NUB1: variants seen among roughly 807,000 people sequenced by gnomAD.
NUB1 encodes the protein NEDD8 ultimate buster 1.
A neutral mutation model predicts 77.1 loss-of-function variants in NUB1; 41 were observed. The ratio of observed to expected loss-of-function variants is 0.53; its 90% confidence interval spans 0.41 to 0.69. The LOEUF is 0.69. Among genes scored for constraint, NUB1 ranks in the 30% least tolerant of loss-of-function variants. The probability of loss-of-function intolerance (pLI) is 0.00; values close to 1 mark genes in which losing one functional copy is unlikely to be tolerated. For missense variants in NUB1, 643 were observed against 743.8 expected (o/e 0.86, Z 1.58); for synonymous variants, 257 against 281.0 (o/e 0.91, Z 0.85).
chr7:151,376,975 T>C, intron 14 of NUB1, 72 bp from the exon 15 acceptor site: 1 of 1,423,152 alleles, frequency 7.0e-7, no homozygotes, highest in Non-Finnish European at 9.4e-7. Context: ...AGTCTGAGGT[T>C]GACTGTGGTC....
intron 8 of NUB1, among the ~76,000 whole-genome samples, chr7:151,363,556 C>G (rs1797489676): frequency 6.6e-6 from 1 of 151,514 alleles, no homozygotes. Flanking sequence ...ACATGTGGGA[C>G]AGAAACAATA....
intron 1 of NUB1, among the ~76,000 whole-genome samples, chr7:151,342,425 T>C (rs1796257229): frequency 6.6e-6 from 1 of 152,242 alleles, no homozygotes; most frequent in Non-Finnish European, 1.5e-5. Flanking sequence ...TGGCTAAATG[T>C]AGCAATGATC....
intron 11 of NUB1, among the ~76,000 whole-genome samples, chr7:151,372,655 T>C (rs1414994792): frequency 2.0e-5 from 3 of 151,920 alleles, no homozygotes; most frequent in African/African-American, 7.3e-5. Flanking sequence ...TTCGAAGCAT[T>C]GTTGGGGCCA....
At position 151,355,815 on chromosome 7, in the gene NUB1, G is replaced by A. The variant is rs1203757361; in HGVS notation, c.463G>A (p.Val155Met). 1.2e-6 allele frequency: 2 copies of A among 1,609,328 alleles called. No individual in the cohort carries two copies. The highest frequency in any genetic ancestry group is 1.3e-5 in the African/African-American group (1 of 74,964). ...QGVAHNVKAMVLELKQSEEDA... is the reference protein window; with the variant it reads ...QGVAHNVKAMMLELKQSEEDA... ...CGTGGCTCACAATGTGAAAGCGATG[G>A]TGCTTGAACTAAAACAATCTGAAGA... Residue 155 changes from valine to methionine, a missense_variant, in exon 6 of 15, where the codon GTG becomes ATG. By Grantham distance (21) the Val-to-Met change is conservative. Transcript: ENST00000568733.
rs1196614952 is a variant in NUB1, at chr7:151,369,946, CATTCCGT to C, written c.1248+1060_1248+1066del. Among the ~76,000 whole-genome samples, 17 of 152,310 alleles carry C rather than the reference CATTCCGT, an allele frequency of 1.1e-4. No homozygotes were observed. In the South Asian group the frequency reaches 1.5e-3, roughly 13 times the overall value. ...CAGAGAGGGAGTGGATTCGTGGGTT[CATTCCGT>C]GGTGAGCAGTCACAGGGTTTCTCCT... On this transcript the variant is annotated intron_variant, in intron 11 of 14. Transcript: ENST00000568733.
intron 7 of NUB1, among the ~76,000 whole-genome samples, chr7:151,358,214 C>T (rs529314340): frequency 7.2e-5 from 11 of 152,000 alleles, no homozygotes; most frequent in African/African-American, 7.2e-5. Flanking sequence ...CCTCGTGATC[C>T]GCCTGCCTCG....
intron 11 of NUB1, among the ~76,000 whole-genome samples, chr7:151,369,549 A>C (rs754140884): frequency 5.9e-5 from 9 of 152,270 alleles, no homozygotes; most frequent in Non-Finnish European, 1.3e-4. Context: ...ATGAAAGCAC[A>C]GGTTAAAAAA....
rs553527182 is a variant in NUB1, at chr7:151,345,385, C to T, written c.36C>T (p.Thr12=). The change falls in exon 2 of 15, where the codon ACC becomes ACT. Residue 12 remains threonine, a synonymous_variant. Transcript: ENST00000568733. ...AGAAATATCTTCAAGCAAAATTGAC[C>T]CAGTTTTTAAGGGAAGACAGGATTC... ...AQKKYLQAKL[T]QFLREDRIQL... The T allele has an allele frequency of 6.2e-7, 1 of 1,611,726 alleles. No homozygotes were observed. Among genetic ancestry groups the T allele is most frequent in the East Asian group, 2.2e-5 (1 of 44,702 alleles).
rs1584943191 is a variant in NUB1, at chr7:151,352,759, A to G, written c.345-53A>G. 25 of 1,178,404 alleles carry G rather than the reference A, an allele frequency of 2.1e-5. 1 individual carries two copies. In the South Asian group the frequency reaches 2.9e-4, roughly 14 times the overall value. 73.0% of individuals were successfully genotyped at this position (1,178,404 alleles called of 1,614,324 possible). On this transcript the variant is annotated intron_variant, in intron 4 of 14. Coordinates refer to ENST00000568733, the MANE Select transcript of NUB1 (RefSeq NM_001243351.2). ...GGCCTGGCTAATGTCTTTTTAATGG[A>G]TAATAAATCGCAATTTTGTTTTCCT...
chr7:151,352,941 C>G (rs548143886), intron 5 of NUB1, 59 bp downstream of exon 5: 161 of 899,176 alleles, frequency 1.8e-4, no homozygotes, highest in Admixed American at 4.3e-4. Flanking sequence ...ATAATGACTT[C>G]CCTTTTTTTC....
chr7:151,376,698 T>G lies in NUB1; in HGVS notation c.1556T>G (p.Val519Gly), dbSNP rs1399648874. ...EAALRVFRGN[V>G]QLAAQTLAHN... ...GCGCTGAGAGTGTTCAGAGGCAACG[T>G]CCAGCTGGCCGCCCAGACCCTTGCT... Residue 519 changes from valine (V) to glycine (G), a missense_variant, in exon 14 of 15, where the codon GTC (valine) becomes GGC (glycine). Val to Gly is a moderately radical substitution (Grantham distance 109). Coordinates refer to ENST00000568733, the MANE Select transcript of NUB1 (RefSeq NM_001243351.2). 1.2e-6 allele frequency: 2 copies of G among 1,609,968 alleles called. No individual in the cohort carries two copies. The highest frequency in any genetic ancestry group is 2.7e-5 in the African/African-American group (2 of 74,848).
chr7:151,368,100 G>T (rs1797778813), intron 10 of NUB1, 132 bp downstream of exon 10: 1 of 604,966 alleles, frequency 1.7e-6, no homozygotes, highest in Non-Finnish European at 2.9e-6. Context: ...AGGAGATGTT[G>T]AACCAGAAAC....
chr7:151,376,436 C>T (rs1178883738), intron 13 of NUB1, 198 bp from the exon 14 acceptor site: 5 of 574,910 alleles, frequency 8.7e-6, no homozygotes, highest in Non-Finnish European at 1.5e-5. Context: ...CCCTGACGCA[C>T]CCGACTTGAG....
chr7:151,368,931 C>T (rs1554411420), intron 11 of NUB1, 44 bp downstream of exon 11: 1 of 1,535,354 alleles, frequency 6.5e-7, no homozygotes, highest in African/African-American at 1.4e-5. Context: ...TATGAAAGAA[C>T]AAAAAAAGAT....
Position 151,367,981 on chromosome 7 carries a change from A to T in NUB1, c.1095+13A>T, listed in dbSNP as rs1797773590. ...GTATCTTAACAAGGTAAGAAAAGTA[A>T]AGTTGTAACCAATTTTCACCTCCTT... is the stretch of plus-strand genomic sequence containing the variant. On this transcript the variant is annotated intron_variant, in intron 10 of 14. Transcript: ENST00000568733. The T allele has an allele frequency of 6.2e-6, 9 of 1,457,218 alleles. No homozygotes were observed. In the South Asian group the frequency reaches 1.1e-4, roughly 19 times the overall value. The allele number at this position is 1,457,218 out of a possible 1,614,324, so 90.3% of individuals were successfully genotyped here.
intron 7 of NUB1, 61 bp downstream of exon 7, chr7:151,356,283 T>C: frequency 8.5e-7 from 1 of 1,170,958 alleles, no homozygotes; most frequent in Middle Eastern, 2.0e-4. Flanking sequence ...AGAGGTGGTT[T>C]TTTAGTTGCT....
intron 1 of NUB1, among the ~76,000 whole-genome samples, chr7:151,344,695 T>C (rs1796396611): frequency 6.6e-6 from 1 of 151,150 alleles, no homozygotes; most frequent in African/African-American, 2.4e-5. Flanking sequence ...TGGCCTTTTG[T>C]TTTATGTTAA....
intron 1 of NUB1, among the ~76,000 whole-genome samples, chr7:151,344,860 C>T (rs149647109): frequency 0.028 from 4,217 of 152,000 alleles, 74 homozygotes; most frequent in Middle Eastern, 0.065. Flanking sequence ...ATTAGCCGGG[C>T]GTGGTGGCGC....
chr7:151,376,560 C>A (rs921171457), intron 13 of NUB1, 74 bp from the exon 14 acceptor site: 34 of 1,390,150 alleles, frequency 2.4e-5, no homozygotes, highest in Non-Finnish European at 2.8e-5. Context: ...AGTCGGCTGT[C>A]CACTCGTATG....
Sources: gnomAD v4.1 joint callset for allele counts (sites outside exome capture counted in the v4.1 genomes callset) on GRCh38, gnomAD v4.1.1 for gene constraint, MANE v1.5 for transcripts, NCBI Gene and HGNC (gene_info 2026-07-23, HGNC 2026-07-21) for gene names.